The following CLPB variants were observed in gnomAD, a reference collection of about 807,000 sequenced individuals.
CLPB encodes the protein ClpB family mitochondrial disaggregase.
CLPB carries 40 observed loss-of-function variants against 78.4 expected under a neutral mutation model. The observed-to-expected ratio is 0.51, with a 90% CI of 0.40 to 0.66. The LOEUF is 0.66. Ranked by LOEUF, CLPB falls within the 30% of genes least tolerant of loss-of-function variation. The pLI is 0.00. For missense variants in CLPB, 780 were observed against 886.9 expected (o/e 0.88, Z 1.53); for synonymous variants, 333 against 348.0 (o/e 0.96, Z 0.48).
chr11:72,292,663 A>G lies in CLPB; in HGVS notation c.*704T>C, dbSNP rs557119818. Reference sequence around the variant, plus strand: ...CTGCTCAGTCTGAGTAGGGGAGGGTAATGAACCAGTCAGGCCTCCTCCTGG... The same window carrying G: ...CTGCTCAGTCTGAGTAGGGGAGGGTGATGAACCAGTCAGGCCTCCTCCTGG... On this transcript the variant is annotated 3_prime_UTR_variant, in exon 16 of 16. Transcript: ENST00000538039. 2 of 152,354 alleles carry G rather than the reference A, an allele frequency of 1.3e-5. No individual in the cohort carries two copies. Among genetic ancestry groups the G allele is most frequent in the East Asian group, 1.9e-4 (1 of 5,164 alleles). The allele number at this position is 152,354 out of a possible 1,614,324, so 9.4% of individuals were successfully genotyped here. A position where few individuals can be genotyped will look rare whatever the true frequency, so the allele number is the denominator to read the frequency against.
At chr11:72,325,793 C>A (rs936616315) in intron 6 of CLPB, among the ~76,000 whole-genome samples, 1 of 152,150 alleles carries the variant, frequency 6.6e-6, no homozygotes, top group Non-Finnish European at 1.5e-5. Context: ...CTGGACAGTG[C>A]ACACTCCCAA....
chr11:72,376,329 T>C (rs971418819), intron 4 of CLPB, among the ~76,000 whole-genome samples: 2 of 152,040 alleles, frequency 1.3e-5, no homozygotes, highest in Non-Finnish European at 1.5e-5. Context: ...GCTTAAAAAA[T>C]GAGGTTTCCT....
At chr11:72,348,708 G>C (rs1950559247) in intron 5 of CLPB, among the ~76,000 whole-genome samples, 1 of 152,220 alleles carries the variant, frequency 6.6e-6, no homozygotes, top group Admixed American at 6.5e-5. Flanking sequence ...ACTGTTCTCA[G>C]TGTGCTTTGC....
chr11:72,351,304 C>T (rs1043746595), intron 5 of CLPB: 1 of 152,212 alleles, frequency 6.6e-6, no homozygotes, highest in Admixed American at 6.5e-5. Flanking sequence ...AATGTCTATA[C>T]CACTGGACTT....
intron 2 of CLPB, among the ~76,000 whole-genome samples, chr11:72,409,251 T>C (rs1052922672): frequency 4.6e-5 from 7 of 152,020 alleles, no homozygotes; most frequent in Admixed American, 6.6e-5. Flanking sequence ...TATCTGGGGA[T>C]TGCCCAGGGT....
intron 11 of CLPB, among the ~76,000 whole-genome samples, chr11:72,298,025 C>G (rs952910827): frequency 2.0e-5 from 3 of 152,242 alleles, no homozygotes; most frequent in Admixed American, 6.5e-5. Context: ...CCAGAGCGTG[C>G]ACATCTTGGG....
rs907667706 is a variant in CLPB, at chr11:72,295,758, C to T, written c.1330-110G>A. The T allele has an allele frequency of 6.7e-6, 7 of 1,044,450 alleles. No individual in the cohort carries two copies. The Admixed American group carries it at 1.7e-4, about 25-fold the overall frequency. The allele number at this position is 1,044,450 out of a possible 1,614,324, so 64.7% of individuals were successfully genotyped here. ...GAGGCCTCCCCAGAGCCCTGTGTCT[C>T]CCTCCAGCCCCAGCAGCCAGCTGCT... On this transcript the variant is annotated intron_variant, in intron 11 of 15. Coordinates refer to ENST00000538039, the MANE Select transcript of CLPB (RefSeq NM_001258392.3).
chr11:72,321,236 GAGA>G (rs905407177), intron 6 of CLPB, among the ~76,000 whole-genome samples: 24 of 152,176 alleles, frequency 1.6e-4, no homozygotes, highest in African/African-American at 5.8e-4. Flanking sequence ...GGATCCACTA[GAGA>G]AGAAGAGAAG....
rs1297059308 is a variant in CLPB at position 72,329,704 on chromosome 11, T to C, written c.873+3A>G. 2.5e-6 allele frequency: 4 copies of C among 1,609,968 alleles called. No individual in the cohort carries two copies. The East Asian group carries it at 8.9e-5, about 36-fold the overall frequency. The stretch of plus-strand genomic sequence containing the variant: ...CAGGCCTCCTCCCTTCCCTGAGACT[T>C]ACCTTGGCTTCAGAAGTCCTCAGAA... On this transcript the variant is annotated splice_donor_region_variant and intron_variant, in intron 6 of 15. Transcript: ENST00000538039.
In CLPB at chr11:72,392,029, C is replaced by T. The variant is rs536315307; in HGVS notation, c.542+10937G>A. On this transcript the variant is annotated intron_variant, in intron 3 of 15. Transcript: ENST00000538039. ...GGTGCTCACATTGTTTAGGGAAGAG[C>T]GAGAAAACCTATGGTGTGAGCTCAG... Among the ~76,000 whole-genome samples, 5 of 152,034 alleles carry T rather than the reference C, an allele frequency of 3.3e-5. No individual in the cohort carries two copies. In the South Asian group the frequency reaches 6.2e-4, roughly 19 times the overall value.
intron 10 of CLPB, 76 bp from the exon 11 acceptor site, chr11:72,302,040 A>G: frequency 6.6e-7 from 1 of 1,519,766 alleles, no homozygotes; most frequent in East Asian, 2.3e-5. Flanking sequence ...GCATGGGAAG[A>G]TGACTTTATA....
chr11:72,309,598 TAGAGACTTGCCCA>T (rs1565429199), intron 7 of CLPB, among the ~76,000 whole-genome samples: 1 of 152,184 alleles, frequency 6.6e-6, no homozygotes, highest in East Asian at 1.9e-4. Context: ...AGGCAACAGA[TAGAGACTTGCCCA>T]AGTCACACAA....
chr11:72,380,787 A>G (rs1756350488), intron 3 of CLPB, among the ~76,000 whole-genome samples: 1 of 152,246 alleles, frequency 6.6e-6, no homozygotes, highest in Admixed American at 6.5e-5. Flanking sequence ...TGTTTATCCA[A>G]CAATTACTTA....
chr11:72,398,685 G>A (rs1310381681), intron 3 of CLPB, among the ~76,000 whole-genome samples: 1 of 152,240 alleles, frequency 6.6e-6, no homozygotes, highest in African/African-American at 2.4e-5. Context: ...CTGGGTCAGA[G>A]TGCAATATAG....
intron 3 of CLPB, among the ~76,000 whole-genome samples, chr11:72,390,968 C>T (rs1040116295): frequency 5.9e-5 from 9 of 152,222 alleles, no homozygotes; most frequent in Middle Eastern, 3.4e-3. Flanking sequence ...CTATGAAACA[C>T]GATGCAGTAG....
chr11:72,344,025 A>G (rs146006723), intron 5 of CLPB, among the ~76,000 whole-genome samples: 59 of 152,254 alleles, frequency 3.9e-4, no homozygotes, highest in African/African-American at 1.4e-3. Context: ...ACTGCTCGAC[A>G]AAACCACTGC....
chr11:72,385,083 G>A (rs1855036128), intron 3 of CLPB, among the ~76,000 whole-genome samples: 2 of 152,216 alleles, frequency 1.3e-5, no homozygotes, highest in South Asian at 4.1e-4. Context: ...TCCAACAGCA[G>A]TACAACACAC....
chr11:72,431,444 C>T (rs1188426545), intron 1 of CLPB, among the ~76,000 whole-genome samples: 1 of 152,198 alleles, frequency 6.6e-6, no homozygotes, highest in Non-Finnish European at 1.5e-5. Context: ...AGCTCTGTCG[C>T]TTATTTGCTG....
chr11:72,351,034 C>CT (rs1390686260), intron 5 of CLPB, among the ~76,000 whole-genome samples: 1 of 152,190 alleles, frequency 6.6e-6, no homozygotes, highest in African/African-American at 2.4e-5. Context: ...CATGGAGGGA[C>CT]TTTAACATTT....
Sources: gnomAD v4.1 joint callset for allele counts (sites outside exome capture counted in the v4.1 genomes callset) on GRCh38, gnomAD v4.1.1 for gene constraint, MANE v1.5 for transcripts, NCBI Gene and HGNC (gene_info 2026-07-23, HGNC 2026-07-21) for gene names.